The following ZFY variants were observed in gnomAD, a reference collection of about 807,000 sequenced individuals.
The protein encoded by ZFY is zinc finger protein Y-linked, also known as zinc finger Y-chromosomal protein.
For missense variants in ZFY, 113 were observed against 170.9 expected (o/e 0.66, Z 1.89); for synonymous variants, 47 against 55.8 (o/e 0.84, Z 0.71).
intron 1 of ZFY, among the ~76,000 whole-genome samples, chrY:2,945,297 AT>A (rs2051258730): frequency 3.3e-5 from 1 of 30,635 alleles, no homozygotes; most frequent in Admixed American, 3.0e-4. Context: ...ATTTGATTAT[AT>A]TTTTTAAGCA....
At chrY:2,948,885 C>G (rs2051270150) in intron 1 of ZFY, among the ~76,000 whole-genome samples, 1 of 33,014 alleles carries the variant, frequency 3.0e-5, no homozygotes, top group Non-Finnish European at 7.5e-5. Flanking sequence ...ATTACTTTTT[C>G]TTTTTTTGAG....
At chrY:2,976,647 T>C in intron 5 of ZFY, 23 bp from the exon 6 acceptor site, 1 of 367,586 alleles carries the variant, frequency 2.7e-6, no homozygotes, top group Admixed American at 9.3e-5. Flanking sequence ...TCACAAAAAA[T>C]TTTTTATTTA....
At chrY:2,965,027 T>A in intron 3 of ZFY, among the ~76,000 whole-genome samples, 1 of 32,328 alleles carries the variant, frequency 3.1e-5, no homozygotes, top group Non-Finnish European at 7.6e-5. Flanking sequence ...GACTCAAAAA[T>A]TTTTTTTTCT....
chrY:2,941,637 A>G (rs2051241634), intron 1 of ZFY, among the ~76,000 whole-genome samples: 1 of 30,536 alleles, frequency 3.3e-5, no homozygotes, highest in South Asian at 7.7e-4. Flanking sequence ...AATAGCTGGG[A>G]CTACAGGCAC....
chrY:2,953,888 A>G, intron 1 of ZFY, 21 bp from the exon 2 acceptor site: 1 of 294,247 alleles, frequency 3.4e-6, no homozygotes, highest in Non-Finnish European at 5.0e-6. Context: ...AATGTTTGGT[A>G]TACTTTATTC....
At chrY:2,951,675 C>T (rs1603311064) in intron 1 of ZFY, among the ~76,000 whole-genome samples, 1 of 32,802 alleles carries the variant, frequency 3.0e-5, no homozygotes, top group South Asian at 6.8e-4. Context: ...ATCATCTTCA[C>T]GTAAGTCGTC....
chrY:2,969,956 G>T (rs764416299), intron 3 of ZFY, among the ~76,000 whole-genome samples: 158 of 33,224 alleles, frequency 4.8e-3, no homozygotes, highest in Non-Finnish European at 7.3e-3. Context: ...TATGCATTGA[G>T]AAATATCTGA....
intron 3 of ZFY, among the ~76,000 whole-genome samples, chrY:2,967,787 ACTC>A (rs2051333826): frequency 1.3e-4 from 4 of 30,557 alleles, no homozygotes; most frequent in Middle Eastern, 0.028. Context: ...CTGGTCTTGA[ACTC>A]CTGACCTCAG....
Position 2,978,218 on chromosome Y carries a change from G to A in ZFY, c.1222+138G>A. The A allele has an allele frequency of 5.2e-5, 8 of 153,581 alleles. No homozygotes were observed. In the Admixed American group the frequency reaches 1.2e-3, roughly 23 times the overall value. The allele number at this position is 153,581 out of a possible 400,897, so 38.3% of individuals were successfully genotyped here. On this transcript the variant is annotated intron_variant, in intron 7 of 7. Coordinates refer to ENST00000155093, the MANE Select transcript of ZFY (RefSeq NM_003411.4). Reference sequence around the variant, plus strand: ...TTCTTGGATAAGAAGAAACAGTTGTGCATCAACCATTCAGGAAAAAGAATT... The same window carrying A: ...TTCTTGGATAAGAAGAAACAGTTGTACATCAACCATTCAGGAAAAAGAATT...
At chrY:2,977,822 T>A (rs1203330515) in intron 6 of ZFY, 118 bp from the exon 7 acceptor site, 1 of 41,172 alleles carries the variant, frequency 2.4e-5, no homozygotes, top group Non-Finnish European at 4.6e-5. Flanking sequence ...TAAAAATAAA[T>A]AAAGTAAGGA....
chrY:2,950,053 A>T (rs1050871008), intron 1 of ZFY, among the ~76,000 whole-genome samples: 1 of 31,289 alleles, frequency 3.2e-5, no homozygotes, highest in East Asian at 8.5e-4. Flanking sequence ...CTAATTTTGC[A>T]GTTTTTTATA....
intron 1 of ZFY, among the ~76,000 whole-genome samples, chrY:2,951,268 A>T (rs2051277547): frequency 3.0e-5 from 1 of 33,287 alleles, no homozygotes. Flanking sequence ...GCTTCTTGGT[A>T]AGGGAGTGAT....
At chrY:2,947,714 G>A (rs2051266448) in intron 1 of ZFY, among the ~76,000 whole-genome samples, 1 of 33,787 alleles carries the variant, frequency 3.0e-5, no homozygotes, top group Admixed American at 2.7e-4. Context: ...CAAAGACAAT[G>A]TGTTGAGTGG....
intron 1 of ZFY, among the ~76,000 whole-genome samples, chrY:2,944,966 C>T (rs2051257686): frequency 3.3e-5 from 1 of 30,750 alleles, no homozygotes; most frequent in African/African-American, 1.3e-4. Context: ...ATGCTGGTCT[C>T]GAACTCCTGA....
chrY:2,968,390 A>C (rs373989227), intron 3 of ZFY, among the ~76,000 whole-genome samples: 2,482 of 26,606 alleles, frequency 0.093, no homozygotes, highest in Non-Finnish European at 0.17. Context: ...AGCTCACTGC[A>C]AGCTCCGCCT....
chrY:2,954,265 T>C (rs2051286821), intron 2 of ZFY, among the ~76,000 whole-genome samples: 1 of 33,723 alleles, frequency 3.0e-5, no homozygotes, highest in African/African-American at 1.2e-4. Context: ...GTGCTAGTTT[T>C]CTATTTTTCT....
At chrY:2,946,056 T>A in intron 1 of ZFY, among the ~76,000 whole-genome samples, 1 of 33,260 alleles carries the variant, frequency 3.0e-5, no homozygotes, top group Non-Finnish European at 7.4e-5. Context: ...TATAATTTTT[T>A]AAAAAACTAG....
In ZFY at chrY:2,980,450, T is replaced by G. The variant is rs770402645; in HGVS notation, c.*457T>G. ...AATTAGCAAAACGTGGTAATAATTTTTTTGTCAGTATTTTCAGATTACATG... is the reference window on the plus strand; with the variant it reads ...AATTAGCAAAACGTGGTAATAATTTGTTTGTCAGTATTTTCAGATTACATG... On this transcript the variant is annotated 3_prime_UTR_variant, in exon 8 of 8. Transcript: ENST00000155093. 121 of 40,576 alleles carry G rather than the reference T, an allele frequency of 3.0e-3. No homozygotes were observed. In the East Asian group the frequency reaches 0.08, roughly 27 times the overall value. The allele number at this position is 40,576 out of a possible 400,897, so 10.1% of individuals were successfully genotyped here.
chrY:2,970,391 G>C, intron 3 of ZFY, among the ~76,000 whole-genome samples: 1 of 33,510 alleles, frequency 3.0e-5, no homozygotes, highest in Non-Finnish European at 7.4e-5. Context: ...CAGGTAAACT[G>C]TTTGTTTCTG....
Sources: allele counts gnomAD v4.1 joint callset (sites outside exome capture counted in the v4.1 genomes callset), GRCh38; gene constraint gnomAD v4.1.1; transcripts MANE v1.5; gene names NCBI Gene and HGNC (gene_info 2026-07-23, HGNC 2026-07-21).